The following PTPRD variants were observed in gnomAD, a reference collection of about 807,000 sequenced individuals.
The protein encoded by PTPRD is protein tyrosine phosphatase receptor type D.
PTPRD carries 34 observed loss-of-function variants against 214.5 expected under a neutral mutation model. The observed-to-expected ratio is 0.16, with a 90% confidence interval of 0.12 to 0.21. The LOEUF is 0.21. Among genes scored for constraint, PTPRD ranks in the 10% least tolerant of loss-of-function variants. The pLI is 1.00. For synonymous variants in PTPRD, 1,128 were observed against 845.7 expected (o/e 1.33, Z -5.79); for missense variants, 2,545 against 2,398.7 (o/e 1.06, Z -1.27).
intron 5 of PTPRD, among the ~76,000 whole-genome samples, chr9:9,934,104 T>A (rs1487232733): frequency 6.7e-6 from 1 of 149,668 alleles, no homozygotes; most frequent in Non-Finnish European, 1.5e-5. Context: ...TTTATAGCAC[T>A]AAACGCCCAC....
intron 2 of PTPRD, among the ~76,000 whole-genome samples, chr9:10,504,300 T>G (rs1374064237): frequency 1.3e-5 from 2 of 151,890 alleles, no homozygotes; most frequent in Non-Finnish European, 2.9e-5. Flanking sequence ...AGTATTATGA[T>G]TAACAGTTAA....
At chr9:8,754,903 C>T (rs2093857469) in intron 11 of PTPRD, among the ~76,000 whole-genome samples, 1 of 152,072 alleles carries the variant, frequency 6.6e-6, no homozygotes, top group African/African-American at 2.4e-5. Flanking sequence ...AAGCCTTAAA[C>T]AGGCAATTCA....
At chr9:9,579,578 C>A (rs2090102884) in intron 7 of PTPRD, among the ~76,000 whole-genome samples, 1 of 151,964 alleles carries the variant, frequency 6.6e-6, no homozygotes, top group South Asian at 2.1e-4. Flanking sequence ...CCTAATCCTC[C>A]CCTGCCACCT....
intron 9 of PTPRD, among the ~76,000 whole-genome samples, chr9:9,302,475 G>A (rs577615883): frequency 5.3e-5 from 3 of 56,634 alleles, no homozygotes; most frequent in East Asian, 1.1e-3. Flanking sequence ...TGCATTTTAG[G>A]TTGCAGATAA....
intron 2 of PTPRD, among the ~76,000 whole-genome samples, chr9:10,563,703 T>C (rs993617193): frequency 2.0e-5 from 3 of 152,016 alleles, no homozygotes; most frequent in Admixed American, 2.0e-4. Flanking sequence ...TTGGAGGAGG[T>C]GTGCAGACTT....
chr9:10,399,726 A>C (rs2098237864), intron 2 of PTPRD, among the ~76,000 whole-genome samples: 1 of 151,940 alleles, frequency 6.6e-6, no homozygotes, highest in African/African-American at 2.4e-5. Context: ...ATATTTAGGC[A>C]TATGATATGT....
At chr9:10,034,960 T>C (rs1041609824) in intron 3 of PTPRD, among the ~76,000 whole-genome samples, 2 of 152,122 alleles carry the variant, frequency 1.3e-5, no homozygotes, top group Admixed American at 1.3e-4. Context: ...TTGCTAGTAA[T>C]AGGATTGCTA....
At chr9:9,221,089 A>T (rs1354135704) in intron 9 of PTPRD, among the ~76,000 whole-genome samples, 1 of 152,112 alleles carries the variant, frequency 6.6e-6, no homozygotes, top group Non-Finnish European at 1.5e-5. Flanking sequence ...GAAATCAACC[A>T]GGTACAACTT....
chr9:10,076,238 C>T (rs2098130122), intron 3 of PTPRD, among the ~76,000 whole-genome samples: 1 of 152,080 alleles, frequency 6.6e-6, no homozygotes. Context: ...ATTTCCAGTA[C>T]TTCCACGTAC....
At chr9:8,568,824 T>C (rs938443073) in intron 14 of PTPRD, among the ~76,000 whole-genome samples, 1 of 152,046 alleles carries the variant, frequency 6.6e-6, no homozygotes, top group African/African-American at 2.4e-5. Flanking sequence ...AAAATGTCTA[T>C]AAGTGTTGGT....
intron 3 of PTPRD, among the ~76,000 whole-genome samples, chr9:10,190,412 AAAAAAAAAC>A (rs2099358290): frequency 1.3e-5 from 1 of 78,002 alleles, no homozygotes; most frequent in African/African-American, 9.3e-5. Flanking sequence ...AAAAAAAAAA[AAAAAAAAAC>A]AAAAAGTCAA....
rs2154434750 is a variant in PTPRD at position 8,733,786 on chromosome 9, C to A, written c.58G>T (p.Ala20Ser). 6.4e-7 allele frequency: 1 copy of A among 1,552,636 alleles called. No homozygotes were observed. The highest frequency in any genetic ancestry group is 1.2e-5 in the South Asian group (1 of 84,106). Reference sequence around the variant, plus strand: ...GAAGGGGAGAATGGCTTACTCTCAGCATCCGTGCGGAGGAAGAAAGTGAGG... The same window carrying A: ...GAAGGGGAGAATGGCTTACTCTCAGAATCCGTGCGGAGGAAGAAAGTGAGG... Reference protein sequence around the residue: ...LLLTFFLRTDAETPPRFTRTP... With the variant: ...LLLTFFLRTDSETPPRFTRTP... Residue 20 changes from alanine to serine, a missense_variant, in exon 12 of 46, where the codon GCT (alanine) becomes TCT (serine). Physicochemically the swap from Ala to Ser is moderately conservative, Grantham distance 99. Transcript: ENST00000381196.
intron 39 of PTPRD, among the ~76,000 whole-genome samples, chr9:8,351,495 A>G (rs967910418): frequency 1.3e-5 from 2 of 151,976 alleles, no homozygotes; most frequent in Non-Finnish European, 2.9e-5. Context: ...TATAATAAAT[A>G]TCATAATTAC....
intron 8 of PTPRD, among the ~76,000 whole-genome samples, chr9:9,417,528 C>A (rs1287281404): frequency 6.6e-6 from 1 of 151,982 alleles, no homozygotes; most frequent in Non-Finnish European, 1.5e-5. Context: ...CTAAAAAACT[C>A]CAGTTCATTC....
intron 8 of PTPRD, among the ~76,000 whole-genome samples, chr9:9,486,450 A>G (rs2095641414): frequency 6.6e-6 from 1 of 152,166 alleles, no homozygotes; most frequent in Non-Finnish European, 1.5e-5. Context: ...ATTTGATGCT[A>G]TGGAAAATTC....
intron 43 of PTPRD, among the ~76,000 whole-genome samples, chr9:8,337,087 C>G (rs751958795): frequency 2.5e-4 from 38 of 152,146 alleles, no homozygotes; most frequent in Non-Finnish European, 5.0e-4. Flanking sequence ...ACCCAGCAAT[C>G]CCATTACTGA....
chr9:9,693,724 T>C (rs1055247188), intron 7 of PTPRD, among the ~76,000 whole-genome samples: 4 of 152,216 alleles, frequency 2.6e-5, no homozygotes, highest in Non-Finnish European at 5.9e-5. Context: ...AAGGCCACTC[T>C]TAGACTTACC....
At chr9:9,286,643 C>G (rs1300016643) in intron 9 of PTPRD, among the ~76,000 whole-genome samples, 1 of 151,132 alleles carries the variant, frequency 6.6e-6, no homozygotes, top group Non-Finnish European at 1.5e-5. Flanking sequence ...TGCCCCCAAA[C>G]CTAGTTAGTT....
chr9:8,971,472 A>G (rs1382354383), intron 11 of PTPRD, among the ~76,000 whole-genome samples: 1 of 151,732 alleles, frequency 6.6e-6, no homozygotes, highest in African/African-American at 2.4e-5. Flanking sequence ...TATCTGTGAG[A>G]TGGGAAGGAC....
Sources: gnomAD v4.1 joint callset for allele counts (sites outside exome capture counted in the v4.1 genomes callset) on GRCh38, gnomAD v4.1.1 for gene constraint, MANE v1.5 for transcripts, NCBI Gene and HGNC (gene_info 2026-07-23, HGNC 2026-07-21) for gene names.